SBF2: variants seen among roughly 807,000 people sequenced by gnomAD.
SBF2 encodes the protein SET binding factor 2.
In SBF2, 112 loss-of-function variants were observed where a neutral mutation model predicts 225.2. The ratio of observed to expected loss-of-function variants is 0.50; its 90% CI spans 0.43 to 0.58. SBF2 has a LOEUF of 0.58. Among genes scored for constraint, SBF2 ranks in the 20% least tolerant of loss-of-function variants. The pLI is 0.00. For synonymous variants in SBF2, 763 were observed against 773.3 expected, an observed-to-expected ratio of 0.99 and a Z score of 0.22; for missense variants, 1,996 against 2,206.2, an observed-to-expected ratio of 0.90 and a Z score of 1.91.
At chr11:9,902,749 T>C (rs1203403012) in intron 16 of SBF2, among the ~76,000 whole-genome samples, 1 of 152,152 alleles carries the variant, frequency 6.6e-6, no homozygotes, top group Non-Finnish European at 1.5e-5. Context: ...GACAATACTG[T>C]CTTTTGATAG....
chr11:10,220,343 C>G (rs377295477), intron 1 of SBF2, among the ~76,000 whole-genome samples: 2 of 152,140 alleles, frequency 1.3e-5, no homozygotes, highest in Admixed American at 6.5e-5. Flanking sequence ...TGATGACACA[C>G]GAGAATTATG....
At chr11:10,267,505 G>A (rs180772304) in intron 1 of SBF2, among the ~76,000 whole-genome samples, 73 of 152,316 alleles carry the variant, frequency 4.8e-4, no homozygotes, top group African/African-American at 1.7e-3. Flanking sequence ...AGAGAGAAAG[G>A]AGTGTGGCAA....
At chr11:10,124,188 C>T (rs1456713816) in intron 2 of SBF2, among the ~76,000 whole-genome samples, 1 of 152,072 alleles carries the variant, frequency 6.6e-6, no homozygotes. Flanking sequence ...TTTAGTTTTA[C>T]TATTAAGTTC....
chr11:9,846,575 T>TG (rs1360894449), intron 23 of SBF2, among the ~76,000 whole-genome samples: 3 of 152,374 alleles, frequency 2.0e-5, no homozygotes, highest in Middle Eastern at 3.4e-3. Flanking sequence ...CTAGCTATAC[T>TG]GTTTACCTTT....
chr11:10,187,473 T>C (rs1025104207), intron 2 of SBF2, among the ~76,000 whole-genome samples: 2 of 152,184 alleles, frequency 1.3e-5, no homozygotes, highest in Non-Finnish European at 2.9e-5. Flanking sequence ...GGGGGACCCC[T>C]GCCTTCGCTC....
intron 2 of SBF2, among the ~76,000 whole-genome samples, chr11:10,093,803 C>T (rs548407922): frequency 3.9e-5 from 6 of 152,170 alleles, no homozygotes; most frequent in East Asian, 1.9e-4. Context: ...TGTAGTGGAG[C>T]GAAATCTTGA....
intron 2 of SBF2, among the ~76,000 whole-genome samples, chr11:10,047,660 C>T (rs966992008): frequency 6.6e-6 from 1 of 152,160 alleles, no homozygotes; most frequent in Admixed American, 6.5e-5. Flanking sequence ...TTCACTGTCT[C>T]ATTGCCTACC....
chr11:10,182,443 T>G (rs549557948), intron 2 of SBF2, among the ~76,000 whole-genome samples: 1 of 152,340 alleles, frequency 6.6e-6, no homozygotes, highest in East Asian at 1.9e-4. Context: ...TATTCTTTCT[T>G]GCATATCACA....
chr11:10,008,528 C>A (rs1948299160), intron 6 of SBF2, among the ~76,000 whole-genome samples: 1 of 152,210 alleles, frequency 6.6e-6, no homozygotes, highest in Non-Finnish European at 1.5e-5. Flanking sequence ...GCAGCTCCAA[C>A]TATTGGCTGT....
chr11:10,230,398 C>T (rs1465741941), intron 1 of SBF2, among the ~76,000 whole-genome samples: 5 of 152,158 alleles, frequency 3.3e-5, no homozygotes, highest in Admixed American at 1.3e-4. Context: ...GCAGTTTCTT[C>T]CTAGCCTTGA....
intron 2 of SBF2, among the ~76,000 whole-genome samples, chr11:10,172,630 G>C (rs1487657835): frequency 6.6e-6 from 1 of 152,182 alleles, no homozygotes; most frequent in Non-Finnish European, 1.5e-5. Context: ...TGGGATTACA[G>C]GTGTGAGCCA....
At chr11:10,080,018 A>G (rs1222086773) in intron 2 of SBF2, among the ~76,000 whole-genome samples, 1 of 151,912 alleles carries the variant, frequency 6.6e-6, no homozygotes, top group East Asian at 1.9e-4. Context: ...GAGGCTGAGC[A>G]GGGTGGATCA....
chr11:9,857,110 A>G (rs1330918226), intron 18 of SBF2, among the ~76,000 whole-genome samples: 1 of 152,204 alleles, frequency 6.6e-6, no homozygotes, highest in Non-Finnish European at 1.5e-5. Context: ...TTAAATAACT[A>G]TTCTATTAAA....
At chr11:10,262,623 T>C (rs1591327587) in intron 1 of SBF2, among the ~76,000 whole-genome samples, 2 of 152,198 alleles carry the variant, frequency 1.3e-5, no homozygotes, top group Admixed American at 1.3e-4. Context: ...TCTATGTATG[T>C]ATAAATTATT....
intron 1 of SBF2, among the ~76,000 whole-genome samples, chr11:10,282,987 T>C (rs923212380): frequency 6.6e-5 from 10 of 152,174 alleles, no homozygotes; most frequent in Admixed American, 3.9e-4. Flanking sequence ...CACACATTTT[T>C]CCTCTATGCC....
intron 1 of SBF2, among the ~76,000 whole-genome samples, chr11:10,235,627 T>C (rs529499060): frequency 1.3e-5 from 2 of 152,128 alleles, no homozygotes; most frequent in Admixed American, 1.3e-4. Context: ...AATTAGAAGA[T>C]ACTTTCAAAT....
intron 2 of SBF2, among the ~76,000 whole-genome samples, chr11:10,187,173 A>C (rs1368513934): frequency 6.6e-6 from 1 of 152,196 alleles, no homozygotes; most frequent in Non-Finnish European, 1.5e-5. Flanking sequence ...GCTTTCTCTT[A>C]CTACTCTGAC....
intron 2 of SBF2, among the ~76,000 whole-genome samples, chr11:10,059,608 A>G (rs1296923011): frequency 1.3e-5 from 2 of 152,208 alleles, no homozygotes; most frequent in Non-Finnish European, 2.9e-5. Context: ...CACATACTCT[A>G]AAATTGACCA....
intron 2 of SBF2, among the ~76,000 whole-genome samples, chr11:10,051,737 G>A (rs910903006): frequency 3.9e-5 from 6 of 151,920 alleles, no homozygotes; most frequent in African/African-American, 1.2e-4. Context: ...ATGTTACACA[G>A]TTTACAAAAA....
Sources: allele counts gnomAD v4.1 joint callset (sites outside exome capture counted in the v4.1 genomes callset), GRCh38; gene constraint gnomAD v4.1.1; transcripts MANE v1.5; gene names NCBI Gene and HGNC (gene_info 2026-07-23, HGNC 2026-07-21).